SNX25: variants seen among roughly 807,000 people sequenced by gnomAD.
SNX25 encodes sorting nexin 25, also known as sorting nexin-25.
A neutral mutation model predicts 113.7 loss-of-function variants in SNX25; 62 were observed. The ratio of observed to expected loss-of-function variants is 0.55; its 90% CI spans 0.44 to 0.67. SNX25 has a LOEUF of 0.67. SNX25 is among the 30% of genes least tolerant of loss of function. The pLI is 0.00. For synonymous variants in SNX25, 421 were observed against 436.2 expected (o/e 0.97, Z 0.43); for missense variants, 1,014 against 1,161.0 (o/e 0.87, Z 1.84).
chr4:185,292,173 T>C (rs78071953), intron 6 of SNX25, among the ~76,000 whole-genome samples: 2,392 of 152,156 alleles, frequency 0.016, 46 homozygotes, highest in Middle Eastern at 0.061. Flanking sequence ...ACTGTATAGG[T>C]AGTTCCAGCC....
intron 7 of SNX25, among the ~76,000 whole-genome samples, chr4:185,314,703 C>T (rs996411638): frequency 1.9e-4 from 29 of 150,076 alleles, no homozygotes; most frequent in Non-Finnish European, 3.7e-4. Flanking sequence ...ACTAAAAATA[C>T]AAAAATTAGC....
intron 9 of SNX25, among the ~76,000 whole-genome samples, chr4:185,328,686 A>C (rs564370612): frequency 6.6e-6 from 1 of 152,264 alleles, no homozygotes; most frequent in East Asian, 1.9e-4. Flanking sequence ...AATGAGAGGG[A>C]TTTTCAGAAA....
chr4:185,375,991 G>C, the SNX25 span, among the ~76,000 whole-genome samples: 4 of 152,308 alleles, frequency 2.6e-5, no homozygotes, highest in African/African-American at 9.6e-5. Context: ...GAGAGAGTAA[G>C]TGGGATATAG....
At position 185,210,374 on chromosome 4, in the gene SNX25, G is replaced by A. The variant is rs1203936444; in HGVS notation, c.429+119G>A. 1.0e-6 allele frequency: 1 copy of A among 976,076 alleles called. No homozygotes were observed. Among genetic ancestry groups the A allele is most frequent in the Non-Finnish European group, 1.2e-6 (1 of 823,562 alleles). 60.5% of individuals were successfully genotyped at this position (976,076 alleles called of 1,614,324 possible). ...CCCTTGTCGAAGCGGGAAGCCGGGA[G>A]CCAGGGGGCTGGGCTGCGGGCCCGG... On this transcript the variant is annotated intron_variant, in intron 1 of 18. Coordinates refer to ENST00000652585, the MANE Select transcript of SNX25 (RefSeq NM_001378034.2). The surrounding 1 kb of genome is among the most constrained non-coding windows in gnomAD (Gnocchi z 4.4).
intron 8 of SNX25, among the ~76,000 whole-genome samples, chr4:185,321,250 C>A (rs2095117298): frequency 6.6e-6 from 1 of 151,486 alleles, no homozygotes; most frequent in South Asian, 2.1e-4. Context: ...TTATACTTTG[C>A]CTTTCATTTC....
intron 8 of SNX25, among the ~76,000 whole-genome samples, chr4:185,321,384 T>C (rs1490352463): frequency 6.6e-6 from 1 of 150,668 alleles, no homozygotes; most frequent in Non-Finnish European, 1.5e-5. Context: ...TCCCTCACAC[T>C]CCCGAGTAGC....
At chr4:185,264,354 C>A in intron 3 of SNX25, 84 bp from the exon 4 acceptor site, 2 of 1,288,824 alleles carry the variant, frequency 1.6e-6, no homozygotes, top group South Asian at 1.5e-5. Flanking sequence ...ATGTGTTTCT[C>A]ATTTGAAATA....
chr4:185,373,013 T>C (rs146735040), downstream of SNX25: 20 of 1,613,618 alleles, frequency 1.2e-5, no homozygotes, highest in Middle Eastern at 1.6e-4. Flanking sequence ...TACAAGTACA[T>C]GAGCCCAAGT....
chr4:185,224,570 TGTATATAAATATATATAA>T lies in SNX25; in HGVS notation c.429+14316_429+14333del, dbSNP rs2126373525. On this transcript the variant is annotated intron_variant, in intron 1 of 18. Transcript: ENST00000652585. The stretch of plus-strand genomic sequence containing the variant: ...ATACATATATATAAATATATATAAG[TGTATATAAATATATATAA>T]ATATATAAATATGTAAATATATAGA... 3.3e-5 allele frequency among the ~76,000 whole-genome samples: 2 copies of T among 60,534 alleles called. 1 individual carries two copies. The highest frequency in any genetic ancestry group is 1.3e-3 in the South Asian group (2 of 1,578). The allele number at this position is 60,534 out of a possible 152,430, so 39.7% of individuals were successfully genotyped here.
At chr4:185,333,761 G>A (rs949729286) in intron 10 of SNX25, among the ~76,000 whole-genome samples, 6 of 152,140 alleles carry the variant, frequency 3.9e-5, no homozygotes, top group African/African-American at 1.2e-4. Context: ...ATAATTGTTA[G>A]TGATGGGCTG....
In SNX25 at chr4:185,363,414, G is replaced by C; in HGVS notation, c.2964G>C (p.Leu988=). 1 of 1,614,126 alleles carries C rather than the reference G, an allele frequency of 6.2e-7. No individual in the cohort carries two copies. The highest frequency in any genetic ancestry group is 8.5e-7 in the Non-Finnish European group (1 of 1,180,012). Residue 988 remains leucine, a synonymous_variant, in exon 19 of 19, where the codon CTG becomes CTC. Transcript: ENST00000652585. The surrounding 1 kb of genome is among the most constrained non-coding windows in gnomAD (Gnocchi z 4.2). ...TGATGGAACTGCTGCTAATTGAACT[G>C]TGTCCTGAGCTGAGAGTTCATTTAG... ...YALMELLLIE[L]CPELRVHLDQ... is the part of the protein sequence containing the mutation.
At chr4:185,303,652 C>G (rs1425930745) in intron 6 of SNX25, among the ~76,000 whole-genome samples, 3 of 126,064 alleles carry the variant, frequency 2.4e-5, no homozygotes, top group Non-Finnish European at 4.7e-5. Flanking sequence ...GAGCGAGACT[C>G]TGTCTCAAAA....
the SNX25 span, chr4:185,378,629 A>C: frequency 2.0e-6 from 2 of 988,554 alleles, no homozygotes; most frequent in African/African-American, 1.7e-5. Flanking sequence ...AAATTAAAGC[A>C]CTTGTCTATT....
intron 1 of SNX25, among the ~76,000 whole-genome samples, chr4:185,226,938 C>T (rs1741089233): frequency 6.6e-6 from 1 of 152,034 alleles, no homozygotes; most frequent in African/African-American, 2.4e-5. Flanking sequence ...ATACACAGTC[C>T]AGAGAGAGGA....
chr4:185,265,728 TATC>T (rs1408711839), intron 4 of SNX25, among the ~76,000 whole-genome samples: 10 of 152,252 alleles, frequency 6.6e-5, no homozygotes, highest in Admixed American at 2.0e-4. Context: ...TAATAACATT[TATC>T]ATCATTATCA....
intron 4 of SNX25, among the ~76,000 whole-genome samples, chr4:185,265,703 T>G (rs1194244245): frequency 6.6e-6 from 1 of 152,238 alleles, no homozygotes; most frequent in Non-Finnish European, 1.5e-5. Context: ...TTTTTTAAAC[T>G]TTTTGACTCT....
At chr4:185,224,638 T>G (rs1371156846) in intron 1 of SNX25, among the ~76,000 whole-genome samples, 2 of 146,756 alleles carry the variant, frequency 1.4e-5, no homozygotes, top group African/African-American at 2.5e-5. Flanking sequence ...TAAGTATATA[T>G]AGATATAAAA....
chr4:185,368,784 G>A (rs1239275025), downstream of SNX25, among the ~76,000 whole-genome samples: 3 of 150,032 alleles, frequency 2.0e-5, no homozygotes, highest in Non-Finnish European at 4.4e-5. Flanking sequence ...TCTCAGATTG[G>A]AATCTGTTTT....
the SNX25 span, chr4:185,378,116 T>G: frequency 6.2e-7 from 1 of 1,613,922 alleles, no homozygotes; most frequent in Non-Finnish European, 8.5e-7. Context: ...AAATTTTTGG[T>G]TTTTAGCAGC....
Sources: gnomAD v4.1 joint callset for allele counts (sites outside exome capture counted in the v4.1 genomes callset) on GRCh38, gnomAD v4.1.1 for gene constraint, Gnocchi (gnomAD v3.1) non-coding constraint, MANE v1.5 for transcripts, NCBI Gene and HGNC (gene_info 2026-07-23, HGNC 2026-07-21) for gene names.